Variants in RDH13 observed in about 807,000 individuals in gnomAD.
RDH13 encodes the protein retinol dehydrogenase 13 (all-trans and 9-cis).
A neutral mutation model predicts 28.3 loss-of-function variants in RDH13; 35 were observed. That is an observed-to-expected ratio of 1.24 (90% CI 0.95 to 1.64). The LOEUF (loss-of-function observed/expected upper bound fraction) is 1.64. Among genes scored for constraint, RDH13 ranks in the 40% most tolerant of loss-of-function variants. The pLI, the probability that RDH13 is intolerant of heterozygous loss-of-function variation, is 0.00. For missense variants in RDH13, 514 were observed against 446.3 expected (o/e 1.15, Z -1.37); for synonymous variants, 229 against 198.5 (o/e 1.15, Z -1.29).
intron 3 of RDH13, among the ~76,000 whole-genome samples, chr19:55,053,581 C>T (rs11671810): frequency 0.14 from 21,752 of 150,432 alleles, 1,811 homozygotes; most frequent in African/African-American, 0.22. Context: ...GGCATGAACC[C>T]GGGAGGCGGA....
chr19:55,049,617 G>A (rs149365788), intron 3 of RDH13, among the ~76,000 whole-genome samples: 22,341 of 151,838 alleles, frequency 0.15, 1,890 homozygotes, highest in Middle Eastern at 0.33. Flanking sequence ...TGGAGAAACC[G>A]CGTCTTTACT....
chr19:55,066,748 C>T (rs2075971057), upstream of RDH13, among the ~76,000 whole-genome samples: 1 of 151,348 alleles, frequency 6.6e-6, no homozygotes, highest in Non-Finnish European at 1.5e-5. Flanking sequence ...TGTTCTCTCT[C>T]TCCCTCTCCC....
In RDH13 at chr19:55,045,222, A is replaced by G. The variant is rs1468027084; in HGVS notation, c.848T>C (p.Val283Ala). ...YLAVAEELAD[V>A]SGKYFDGLKQ... Reference sequence around the variant, plus strand: ...GAGTCCATCGAAGTACTTTCCGGAAACATCCGCCAGTTCCTCCGCCACGGC... The same window carrying G: ...GAGTCCATCGAAGTACTTTCCGGAAGCATCCGCCAGTTCCTCCGCCACGGC... Residue 283 changes from valine (V) to alanine (A), a missense_variant, in exon 7 of 7, where the codon GTT becomes GCT. Coordinates refer to ENST00000415061, the MANE Select transcript of RDH13 (RefSeq NM_001145971.2). 1 of 1,613,360 alleles carries G rather than the reference A, an allele frequency of 6.2e-7. No homozygotes were observed. The highest frequency in any genetic ancestry group is 1.3e-5 in the African/African-American group (1 of 75,042).
At chr19:55,046,287 G>C (rs867757874) in intron 6 of RDH13, among the ~76,000 whole-genome samples, 120 of 150,366 alleles carry the variant, frequency 8.0e-4, no homozygotes, top group Middle Eastern at 3.4e-3. Context: ...TTGAGACCTG[G>C]TGTCTTGCTC....
intron 3 of RDH13, among the ~76,000 whole-genome samples, chr19:55,049,254 A>G (rs1345062476): frequency 1.3e-5 from 2 of 151,102 alleles, no homozygotes; most frequent in African/African-American, 4.9e-5. Flanking sequence ...AAGCCTTGGG[A>G]CTCCTTCCTG....
chr19:55,043,789 G>A (rs976920349), downstream of RDH13, among the ~76,000 whole-genome samples: 1 of 152,166 alleles, frequency 6.6e-6, no homozygotes, highest in Non-Finnish European at 1.5e-5. Flanking sequence ...CTGCACCTAA[G>A]CTAAGAGCCC....
At chr19:55,062,890 C>G in intron 1 of RDH13, 78 bp downstream of exon 1, 1 of 1,234,300 alleles carries the variant, frequency 8.1e-7, no homozygotes, top group Non-Finnish European at 1.1e-6. Context: ...GTGCGAGGGG[C>G]GGGGGTCTCC....
chr19:55,069,416 C>G (rs374771613), exon 1 of RDH13: 1 of 152,374 alleles, frequency 6.6e-6, no homozygotes, highest in East Asian at 1.9e-4. Context: ...CTGTGTTTTC[C>G]TTCCTTCCTT....
rs754364002 is a variant in RDH13, at chr19:55,059,263, G to A, written c.78C>T (p.Thr26=). 81 of 1,597,172 alleles carry A rather than the reference G, an allele frequency of 5.1e-5. No homozygotes were observed. The highest frequency in any genetic ancestry group is 1.8e-4 in the South Asian group (16 of 88,174). ...TGGCCTTGCTGGGGCAAGCCCCACCGGTGACATAGTCCCTGAGGGTGAGAA... is the reference window on the plus strand; with the variant it reads ...TGGCCTTGCTGGGGCAAGCCCCACCAGTGACATAGTCCCTGAGGGTGAGAA... ...GAAVLLKDYV[T]GGACPSKATI... Residue 26 remains threonine, a synonymous_variant, in exon 2 of 7, where the codon ACC becomes ACT. Transcript: ENST00000415061.
chr19:55,058,404 A>G (rs910389450), intron 2 of RDH13, among the ~76,000 whole-genome samples: 1 of 151,836 alleles, frequency 6.6e-6, no homozygotes, highest in Non-Finnish European at 1.5e-5. Context: ...AAAAAAAACA[A>G]TAATAATAAT....
chr19:55,051,743 CTTTTTA>C (rs1735851332), intron 3 of RDH13, among the ~76,000 whole-genome samples: 1 of 135,554 alleles, frequency 7.4e-6, no homozygotes, highest in Non-Finnish European at 1.6e-5. Context: ...TTTTTTTTTT[CTTTTTA>C]TGAGAGGGAA....
At chr19:55,054,114 G>A (rs1289514531) in intron 3 of RDH13, among the ~76,000 whole-genome samples, 3 of 152,184 alleles carry the variant, frequency 2.0e-5, no homozygotes, top group African/African-American at 7.2e-5. Flanking sequence ...AGGGCTGTGA[G>A]TGGCACAAGG....
chr19:55,056,001 A>C lies in RDH13; in HGVS notation c.340+652T>G, dbSNP rs2075619564. Among the ~76,000 whole-genome samples, 4 of 151,680 alleles carry C rather than the reference A, an allele frequency of 2.6e-5. No homozygotes were observed. The South Asian group carries it at 8.3e-4, about 32-fold the overall frequency. ...AACCCTGTCTCTACCTAAAACACAA[A>C]AAATTAGCCAGGCACGGTGGCGGGT... On this transcript the variant is annotated intron_variant, in intron 3 of 6. Coordinates refer to ENST00000415061, the MANE Select transcript of RDH13 (RefSeq NM_001145971.2).
chr19:55,053,422 G>A (rs773204683), intron 3 of RDH13, among the ~76,000 whole-genome samples: 10 of 151,934 alleles, frequency 6.6e-5, no homozygotes, highest in East Asian at 3.9e-4. Context: ...TTGGGAGGCC[G>A]AGGTGGCTGG....
intron 1 of RDH13, among the ~76,000 whole-genome samples, chr19:55,060,827 AAAATTT>A (rs1444684720): frequency 2.0e-5 from 3 of 152,144 alleles, no homozygotes; most frequent in Admixed American, 6.6e-5. Context: ...CTGTCTCAAA[AAAATTT>A]AAATTTAAAT....
At chr19:55,058,968 C>T (rs938859005) in intron 2 of RDH13, among the ~76,000 whole-genome samples, 189 bp downstream of exon 2, 4 of 152,358 alleles carry the variant, frequency 2.6e-5, no homozygotes, top group African/African-American at 4.8e-5. Flanking sequence ...TGCACCACCG[C>T]GCCCGGCCAG....
At chr19:55,058,039 G>T (rs1166996236) in intron 2 of RDH13, among the ~76,000 whole-genome samples, 1 of 151,636 alleles carries the variant, frequency 6.6e-6, no homozygotes, top group African/African-American at 2.4e-5. Context: ...GCCTCCAAAA[G>T]TGCTGGAATT....
At chr19:55,063,196 G>A (rs558412145), upstream of RDH13, 2 of 515,252 alleles carry the variant, frequency 3.9e-6, no homozygotes, top group South Asian at 9.9e-5. Context: ...GGGGCGGGGC[G>A]CGGGCGGAGG....
At chr19:55,054,888 A>G (rs2075579999) in intron 3 of RDH13, among the ~76,000 whole-genome samples, 1 of 152,130 alleles carries the variant, frequency 6.6e-6, no homozygotes, top group South Asian at 2.1e-4. Context: ...GCATATGTTA[A>G]TTAGCTTGAT....
Sources: allele counts gnomAD v4.1 joint callset (sites outside exome capture counted in the v4.1 genomes callset), GRCh38; gene constraint gnomAD v4.1.1; transcripts MANE v1.5; gene names NCBI Gene and HGNC (gene_info 2026-07-23, HGNC 2026-07-21).